Variants in HDAC9 observed in about 807,000 individuals in gnomAD.
The protein encoded by HDAC9 is MEF-2 interacting transcription repressor (MITR) protein.
HDAC9 carries 41 observed loss-of-function variants against 139.4 expected under a neutral mutation model. The observed-to-expected ratio is 0.29, with a 90% CI of 0.23 to 0.38. The LOEUF is 0.38. Ranked by LOEUF, HDAC9 falls within the 10% of genes least tolerant of loss-of-function variation. HDAC9 has a pLI of 1.00. For synonymous variants in HDAC9, 517 were observed against 476.2 expected, an observed-to-expected ratio of 1.09 and a Z score of -1.12; for missense variants, 1,147 against 1,297.0, an observed-to-expected ratio of 0.88 and a Z score of 1.78.
chr7:18,974,283 C>G (rs982316700), intron 24 of HDAC9, among the ~76,000 whole-genome samples: 2 of 152,224 alleles, frequency 1.3e-5, no homozygotes, highest in East Asian at 1.9e-4. Flanking sequence ...TTCTAATGAT[C>G]TTTCAAATAC....
chr7:18,627,449 A>G (rs902546405), intron 6 of HDAC9, among the ~76,000 whole-genome samples: 5 of 152,192 alleles, frequency 3.3e-5, no homozygotes, highest in African/African-American at 1.2e-4. Flanking sequence ...AGATAAATAT[A>G]TTTATTATCT....
intron 12 of HDAC9, among the ~76,000 whole-genome samples, chr7:18,676,820 A>G (rs1781545306): frequency 6.6e-6 from 1 of 151,892 alleles, no homozygotes; most frequent in Admixed American, 6.6e-5. Context: ...ATATGGAAGC[A>G]GATAATATTT....
At chr7:18,613,550 T>A (rs892233245) in intron 6 of HDAC9, among the ~76,000 whole-genome samples, 1 of 152,084 alleles carries the variant, frequency 6.6e-6, no homozygotes, top group African/African-American at 2.4e-5. Context: ...AACAATGAAA[T>A]AGAAAAAAAC....
chr7:18,899,499 T>C (rs973608067), intron 22 of HDAC9: 7 of 152,066 alleles, frequency 4.6e-5, no homozygotes, highest in African/African-American at 1.7e-4. Flanking sequence ...GTTTCAACTA[T>C]GTAACAATTA....
At chr7:18,098,051 C>T (rs531907046) in intron 1 of HDAC9, among the ~76,000 whole-genome samples, 3 of 152,300 alleles carry the variant, frequency 2.0e-5, no homozygotes, top group African/African-American at 7.2e-5. Flanking sequence ...TGCCCTTTTA[C>T]CCTTTCTGGT....
intron 1 of HDAC9, among the ~76,000 whole-genome samples, chr7:18,469,362 A>C (rs1794551276): frequency 6.6e-6 from 1 of 152,210 alleles, no homozygotes; most frequent in Non-Finnish European, 1.5e-5. Context: ...TATAGATCTC[A>C]TAAATCAAAA....
intron 1 of HDAC9, among the ~76,000 whole-genome samples, chr7:18,141,979 C>G (rs1785931207): frequency 6.6e-6 from 1 of 152,126 alleles, no homozygotes; most frequent in Non-Finnish European, 1.5e-5. Flanking sequence ...ATCATAATTT[C>G]CCCACATAAA....
chr7:18,490,959 C>T (rs999301418), upstream of HDAC9, among the ~76,000 whole-genome samples: 3 of 151,916 alleles, frequency 2.0e-5, no homozygotes, highest in African/African-American at 7.2e-5. Flanking sequence ...TTAAATCTTA[C>T]TTCATTTACA....
At chr7:18,439,256 A>G (rs756041363) in intron 1 of HDAC9, among the ~76,000 whole-genome samples, 1 of 152,082 alleles carries the variant, frequency 6.6e-6, no homozygotes, top group Non-Finnish European at 1.5e-5. Context: ...GTGTTTCCCT[A>G]TTCTGCTTTT....
chr7:18,874,635 A>G (rs751057429), intron 22 of HDAC9, 39 bp downstream of exon 22: 1 of 1,158,906 alleles, frequency 8.6e-7, no homozygotes, highest in Non-Finnish European at 1.3e-6. Flanking sequence ...AGGCTCTGAT[A>G]TCATACCATC....
chr7:18,657,535 G>A (rs1423266059), intron 11 of HDAC9, among the ~76,000 whole-genome samples: 1 of 152,108 alleles, frequency 6.6e-6, no homozygotes, highest in Non-Finnish European at 1.5e-5. Context: ...AAGATTATCA[G>A]GGAAAGAATC....
intron 22 of HDAC9, among the ~76,000 whole-genome samples, chr7:18,917,893 G>A (rs1239055540): frequency 6.6e-6 from 1 of 151,844 alleles, no homozygotes; most frequent in Admixed American, 6.6e-5. Flanking sequence ...GACAATAACG[G>A]CATATTGGGG....
Position 18,772,556 on chromosome 7 carries a change from A to G in HDAC9, c.2214+5401A>G, listed in dbSNP as rs74638855. On this transcript the variant is annotated intron_variant, in intron 16 of 25. Coordinates refer to ENST00000686413, the MANE Select transcript of HDAC9 (RefSeq NM_178425.4). ...TTCCCTCCTATTAATGTTCAACTCA[A>G]ACCTGGCTTGCAATCAGTACTTCAT... 3.6e-4 allele frequency among the ~76,000 whole-genome samples: 55 copies of G among 152,174 alleles called. 1 individual carries two copies. The East Asian group carries it at 9.5e-3, about 26-fold the overall frequency.
chr7:18,516,740 A>G (rs1433881634), intron 2 of HDAC9, among the ~76,000 whole-genome samples: 1 of 151,958 alleles, frequency 6.6e-6, no homozygotes, highest in Non-Finnish European at 1.5e-5. Context: ...GTGTGCCTGT[A>G]GTCCCAGCTA....
At position 18,374,564 on chromosome 7, in the gene HDAC9, A is replaced by G. The variant is rs75289147; in HGVS notation, c.-42+84049A>G. On this transcript the variant is annotated intron_variant, in intron 1 of 3. Coordinates refer to the HDAC9 transcript ENST00000413509. ...TCTGTATCTAGGCATAGAAAAGGTAATGCATTTGGCTACAACATTAAAATG... is the reference window on the plus strand; with the variant it reads ...TCTGTATCTAGGCATAGAAAAGGTAGTGCATTTGGCTACAACATTAAAATG... 5.1e-3 allele frequency among the ~76,000 whole-genome samples: 773 copies of G among 151,998 alleles called. 7 individuals are homozygous for G. The highest frequency in any genetic ancestry group is 0.018 in the African/African-American group (731 of 41,368).
chr7:18,709,552 CAT>C (rs1021868531), intron 12 of HDAC9, among the ~76,000 whole-genome samples: 50 of 152,190 alleles, frequency 3.3e-4, no homozygotes, highest in African/African-American at 1.2e-3. Flanking sequence ...AATTTAGAAA[CAT>C]ATCTCAGAGT....
At chr7:18,790,148 C>T (rs945679264) in intron 16 of HDAC9, among the ~76,000 whole-genome samples, 3 of 152,006 alleles carry the variant, frequency 2.0e-5, no homozygotes, top group Non-Finnish European at 4.4e-5. Flanking sequence ...CTAATTTGGC[C>T]CTGAACCCCA....
intron 17 of HDAC9, among the ~76,000 whole-genome samples, chr7:18,823,709 G>A (rs1334276400): frequency 1.3e-5 from 2 of 152,080 alleles, no homozygotes; most frequent in East Asian, 1.9e-4. Context: ...GCCAGGCACA[G>A]TTGCTCACAC....
intron 2 of HDAC9, among the ~76,000 whole-genome samples, chr7:18,558,869 G>C (rs1819692240): frequency 6.6e-6 from 1 of 152,216 alleles, no homozygotes; most frequent in South Asian, 2.1e-4. Flanking sequence ...ACCTGAAACA[G>C]AAAAGAATGG....
Sources: gnomAD v4.1 joint callset for allele counts (sites outside exome capture counted in the v4.1 genomes callset) on GRCh38, gnomAD v4.1.1 for gene constraint, MANE v1.5 for transcripts, NCBI Gene and HGNC (gene_info 2026-07-23, HGNC 2026-07-21) for gene names.